Variants in LRRC4C observed in about 807,000 individuals in gnomAD.
LRRC4C encodes leucine rich repeat containing 4C.
In LRRC4C, 5 loss-of-function variants were observed where a neutral mutation model predicts 33.6. That is an observed-to-expected ratio of 0.15 (90% CI 0.08 to 0.31). The LOEUF is 0.31. LRRC4C is among the 10% of genes least tolerant of loss of function. The pLI, the probability that LRRC4C is intolerant of heterozygous loss-of-function variation, is 1.00. For missense variants in LRRC4C, 560 were observed against 796.7 expected (o/e 0.70, Z 3.58); for synonymous variants, 329 against 302.0 (o/e 1.09, Z -0.93).
In LRRC4C at chr11:40,413,420, A is replaced by G. The variant is rs149499638; in HGVS notation, c.-269-93699T>C. 3.9e-3 allele frequency among the ~76,000 whole-genome samples: 598 copies of G among 151,934 alleles called. 11 individuals are homozygous for G. Among genetic ancestry groups the G allele is most frequent in the Non-Finnish European group, 1.0e-3 (70 of 67,928 alleles). ...TCTACCCTCTCTGCTTAACATTCTC[A>G]TTTTCCCACATCTCAACATTTGTAA... is the stretch of plus-strand genomic sequence containing the variant. On this transcript the variant is annotated intron_variant, in intron 3 of 6. Coordinates refer to ENST00000528697, the MANE Select transcript of LRRC4C (RefSeq NM_001258419.2).
intron 1 of LRRC4C, among the ~76,000 whole-genome samples, chr11:40,940,422 C>A (rs1958091303): frequency 6.6e-6 from 1 of 152,058 alleles, no homozygotes; most frequent in Non-Finnish European, 1.5e-5. Flanking sequence ...CATTGCTGAG[C>A]CACTGAATTT....
At chr11:41,435,525 T>C (rs1304792188) in intron 1 of LRRC4C, among the ~76,000 whole-genome samples, 3 of 152,230 alleles carry the variant, frequency 2.0e-5, no homozygotes, top group Non-Finnish European at 1.5e-5. Context: ...ATTAAGTACC[T>C]ACTAAGGAAC....
At chr11:40,841,338 T>C (rs1451725258) in intron 2 of LRRC4C, among the ~76,000 whole-genome samples, 1 of 152,188 alleles carries the variant, frequency 6.6e-6, no homozygotes, top group Non-Finnish European at 1.5e-5. Flanking sequence ...GTCAGTGTTA[T>C]GGACTGAATA....
chr11:40,956,705 A>C (rs1197057263), intron 1 of LRRC4C, among the ~76,000 whole-genome samples: 1 of 151,700 alleles, frequency 6.6e-6, no homozygotes, highest in Non-Finnish European at 1.5e-5. Context: ...TCTCTTCTCT[A>C]TGTCACAATT....
intron 3 of LRRC4C, among the ~76,000 whole-genome samples, chr11:40,402,390 G>C (rs918343393): frequency 1.3e-5 from 2 of 152,024 alleles, no homozygotes; most frequent in Admixed American, 1.3e-4. Flanking sequence ...TGTAAAGTTG[G>C]CTGGGCAGAT....
In LRRC4C at chr11:40,726,893, A is replaced by T. The variant is rs528266915; in HGVS notation, c.-406-78615T>A. 2.0e-5 allele frequency among the ~76,000 whole-genome samples: 3 copies of T among 152,152 alleles called. No individual in the cohort carries two copies. In the South Asian group the frequency reaches 6.2e-4, roughly 31 times the overall value. On this transcript the variant is annotated intron_variant, in intron 2 of 6. Coordinates refer to ENST00000528697, the MANE Select transcript of LRRC4C (RefSeq NM_001258419.2). Reference sequence around the variant, plus strand: ...GCCAAAAGGCTCCTCGGCCTGATAAATAACTTAGATAGGGTTTCAGTATAC... The same window carrying T: ...GCCAAAAGGCTCCTCGGCCTGATAATTAACTTAGATAGGGTTTCAGTATAC...
intron 3 of LRRC4C, among the ~76,000 whole-genome samples, chr11:40,439,189 C>T (rs988362173): frequency 3.3e-5 from 5 of 151,560 alleles, no homozygotes; most frequent in South Asian, 2.1e-4. Context: ...ATCCACCCAC[C>T]TTGGCCTACC....
intron 1 of LRRC4C, among the ~76,000 whole-genome samples, chr11:41,205,893 A>G (rs1449407911): frequency 6.6e-6 from 1 of 152,160 alleles, no homozygotes; most frequent in Non-Finnish European, 1.5e-5. Flanking sequence ...ATTTAAACCA[A>G]GCAAGTTAGC....
At chr11:40,759,703 CTATTT>C (rs1296425477) in intron 2 of LRRC4C, among the ~76,000 whole-genome samples, 2 of 151,960 alleles carry the variant, frequency 1.3e-5, no homozygotes, top group East Asian at 3.9e-4. Context: ...TTCACATATT[CTATTT>C]ATCAACTCCT....
intron 1 of LRRC4C, among the ~76,000 whole-genome samples, chr11:40,962,759 T>C (rs1417367824): frequency 1.3e-5 from 2 of 151,642 alleles, no homozygotes; most frequent in Non-Finnish European, 3.0e-5. Flanking sequence ...AAAGAACAAC[T>C]CACTCAGCTG....
chr11:40,416,917 A>G (rs1326093155), intron 3 of LRRC4C, among the ~76,000 whole-genome samples: 1 of 152,230 alleles, frequency 6.6e-6, no homozygotes, highest in African/African-American at 2.4e-5. Flanking sequence ...GAATGAATAA[A>G]TGAATGACTT....
At chr11:40,675,273 T>C (rs1322617299) in intron 2 of LRRC4C, among the ~76,000 whole-genome samples, 1 of 152,152 alleles carries the variant, frequency 6.6e-6, no homozygotes, top group East Asian at 1.9e-4. Flanking sequence ...ATGGCCTAAA[T>C]GGAGCTCAAA....
At chr11:41,328,124 C>A (rs1275712221) in intron 1 of LRRC4C, among the ~76,000 whole-genome samples, 3 of 152,168 alleles carry the variant, frequency 2.0e-5, no homozygotes, top group Non-Finnish European at 4.4e-5. Flanking sequence ...TAAATTGCTG[C>A]AGGTACCCCT....
intron 1 of LRRC4C, among the ~76,000 whole-genome samples, chr11:41,059,225 T>TTTTTTTTA (rs1858881986): frequency 6.7e-6 from 1 of 149,580 alleles, no homozygotes; most frequent in Non-Finnish European, 1.5e-5. Flanking sequence ...TTTTTTTTTT[T>TTTTTTTTA]AAGAAAAAGA....
At chr11:41,275,841 G>GA (rs1394993240) in intron 1 of LRRC4C, among the ~76,000 whole-genome samples, 1 of 152,136 alleles carries the variant, frequency 6.6e-6, no homozygotes, top group Non-Finnish European at 1.5e-5. Context: ...TCATGAAGAG[G>GA]AAAAAATGCA....
At chr11:41,088,141 T>C (rs931150099) in intron 1 of LRRC4C, among the ~76,000 whole-genome samples, 8 of 152,100 alleles carry the variant, frequency 5.3e-5, no homozygotes, top group Non-Finnish European at 1.0e-4. Context: ...AACATGGAAT[T>C]TGGACTTGAA....
rs543576584 is a variant in LRRC4C, at chr11:40,232,847, G to A, written c.-96+8672C>T. Among the ~76,000 whole-genome samples the A allele has an allele frequency of 2.0e-5, 3 of 152,252 alleles. No individual in the cohort carries two copies. The South Asian group carries it at 6.2e-4, about 32-fold the overall frequency. Reference sequence around the variant, plus strand: ...ACATCTTGCCTGGACTACTGCAGACGCTTTCTGTTTTCTCTGCCTCGATTC... The same window carrying A: ...ACATCTTGCCTGGACTACTGCAGACACTTTCTGTTTTCTCTGCCTCGATTC... On this transcript the variant is annotated intron_variant, in intron 5 of 6. Transcript: ENST00000528697.
chr11:40,735,382 A>G (rs1311427728), intron 2 of LRRC4C, among the ~76,000 whole-genome samples: 1 of 145,762 alleles, frequency 6.9e-6, no homozygotes, highest in Non-Finnish European at 1.5e-5. Flanking sequence ...TCATTGTTCA[A>G]TTCCGACCTA....
chr11:40,493,530 C>T (rs1017628828), intron 3 of LRRC4C, among the ~76,000 whole-genome samples: 2 of 152,084 alleles, frequency 1.3e-5, no homozygotes, highest in South Asian at 4.1e-4. Flanking sequence ...TGGTAGGGAG[C>T]TTCTCAGAAT....
Sources: allele counts gnomAD v4.1 joint callset (sites outside exome capture counted in the v4.1 genomes callset), GRCh38; gene constraint gnomAD v4.1.1; transcripts MANE v1.5; gene names NCBI Gene and HGNC (gene_info 2026-07-23, HGNC 2026-07-21).